The following TP63 variants were observed in gnomAD, a reference collection of about 807,000 sequenced individuals.
The protein encoded by TP63 is tumor protein 63.
Under a neutral mutation model 82.8 loss-of-function variants are expected in TP63, and 17 were observed. That is an observed-to-expected ratio of 0.21 (90% CI 0.14 to 0.31). The LOEUF is 0.31. Among genes scored for constraint, TP63 ranks in the 10% least tolerant of loss-of-function variants. The pLI is 1.00. For missense variants in TP63, 648 were observed against 895.3 expected, an observed-to-expected ratio of 0.72 and a Z score of 3.52; for synonymous variants, 330 against 321.7, an observed-to-expected ratio of 1.03 and a Z score of -0.28.
At chr3:189,658,219 T>C (rs1371511331) in intron 1 of TP63, among the ~76,000 whole-genome samples, 2 of 152,062 alleles carry the variant, frequency 1.3e-5, no homozygotes, top group African/African-American at 4.8e-5. Context: ...AGTATTGGGT[T>C]GTAATACAAA....
Position 189,837,076 on chromosome 3 carries a change from C to T in TP63, c.580-27156C>T, listed in dbSNP as rs536408686. On this transcript the variant is annotated intron_variant, in intron 4 of 13. Transcript: ENST00000264731. The stretch of plus-strand genomic sequence containing the variant: ...GCCTCTGTGAGTACCGTGTTCTTCA[C>T]GGTGTACGATGCTTCCAAATATATA... Among the ~76,000 whole-genome samples, 16 of 152,248 alleles carry T rather than the reference C, an allele frequency of 1.1e-4. No homozygotes were observed. The South Asian group carries it at 2.7e-3, about 26-fold the overall frequency.
At position 189,720,459 on chromosome 3, in the gene TP63, TC is replaced by T. The variant is rs375518820; in HGVS notation, c.63-17280del. Among the ~76,000 whole-genome samples the T allele has an allele frequency of 4.1e-4, 62 of 152,206 alleles. No homozygotes were observed. The South Asian group carries it at 0.012, about 30-fold the overall frequency. Reference sequence around the variant, plus strand: ...CTCCAATAACTTTAGATAGTGCATCTCTTCCATTAAAGAAGACTGAATCCCA... The same window carrying T: ...CTCCAATAACTTTAGATAGTGCATCTTTCCATTAAAGAAGACTGAATCCCA... On this transcript the variant is annotated intron_variant, in intron 1 of 13. Coordinates refer to ENST00000264731, the MANE Select transcript of TP63 (RefSeq NM_003722.5).
At chr3:189,885,666 A>G (rs1026235492) in intron 10 of TP63, among the ~76,000 whole-genome samples, 4 of 152,180 alleles carry the variant, frequency 2.6e-5, no homozygotes, top group South Asian at 4.1e-4. Context: ...CAAATTGAAG[A>G]TCATGCTGAA....
chr3:189,796,593 C>T (rs1045930887), intron 3 of TP63, among the ~76,000 whole-genome samples: 1 of 151,918 alleles, frequency 6.6e-6, no homozygotes, highest in African/African-American at 2.4e-5. Context: ...ATTTTGAAAG[C>T]ATCAAATGTT....
At chr3:189,642,718 CAGAG>C (rs1418350372) in intron 1 of TP63, among the ~76,000 whole-genome samples, 1 of 152,068 alleles carries the variant, frequency 6.6e-6, no homozygotes, top group East Asian at 1.9e-4. Context: ...GAAATCGAAG[CAGAG>C]AGAGGCTGTG....
chr3:189,682,724 A>C (rs1385446743), intron 1 of TP63, among the ~76,000 whole-genome samples: 1 of 151,926 alleles, frequency 6.6e-6, no homozygotes, highest in African/African-American at 2.4e-5. Context: ...ATTTCTACTC[A>C]AAAGTAATAC....
chr3:189,890,199 G>C (rs1442166925), intron 12 of TP63, among the ~76,000 whole-genome samples: 2 of 152,126 alleles, frequency 1.3e-5, no homozygotes, highest in Non-Finnish European at 2.9e-5. Context: ...CAATCACAGG[G>C]ATGGCAAAGT....
At chr3:189,864,875 C>G (rs6444405) in intron 5 of TP63, among the ~76,000 whole-genome samples, 1 of 151,766 alleles carries the variant, frequency 6.6e-6, no homozygotes, top group Admixed American at 6.6e-5. Context: ...GGCATGGTGG[C>G]GGGCACCTGT....
intron 4 of TP63, among the ~76,000 whole-genome samples, chr3:189,819,747 C>CTTTTTTTTTTTTTTTTT (rs367763002): frequency 2.2e-5 from 2 of 89,858 alleles, no homozygotes; most frequent in African/African-American, 4.1e-5. Flanking sequence ...TATATTTTAC[C>CTTTTTTTTTTTTTTTTT]TTTTTTTTTT....
chr3:189,872,147 A>T (rs556008224), intron 9 of TP63, among the ~76,000 whole-genome samples: 77 of 152,284 alleles, frequency 5.1e-4, no homozygotes, highest in African/African-American at 1.7e-3. Context: ...TATTTTTTGT[A>T]GTAGTTTAGT....
intron 3 of TP63, among the ~76,000 whole-genome samples, chr3:189,781,219 C>A (rs1488016140): frequency 1.3e-5 from 2 of 152,116 alleles, no homozygotes; most frequent in African/African-American, 2.4e-5. Flanking sequence ...TTTACATATA[C>A]CATTTCTGTA....
At chr3:189,788,924 A>G (rs1236740491) in intron 3 of TP63, among the ~76,000 whole-genome samples, 1 of 147,200 alleles carries the variant, frequency 6.8e-6, no homozygotes, top group African/African-American at 2.5e-5. Flanking sequence ...ATTCAAATAG[A>G]TAAGCGTTTT....
intron 1 of TP63, among the ~76,000 whole-genome samples, chr3:189,698,232 G>T (rs1452528691): frequency 6.6e-6 from 1 of 151,918 alleles, no homozygotes; most frequent in African/African-American, 2.4e-5. Context: ...AGACTTTTTG[G>T]TCATAAATGG....
intron 1 of TP63, among the ~76,000 whole-genome samples, chr3:189,695,939 C>G (rs924882518): frequency 6.6e-6 from 1 of 152,142 alleles, no homozygotes; most frequent in African/African-American, 2.4e-5. Context: ...AAGTTAGTGT[C>G]TCCTCCCTTC....
At chr3:189,751,577 T>A (rs1472691231) in intron 3 of TP63, among the ~76,000 whole-genome samples, 2 of 152,236 alleles carry the variant, frequency 1.3e-5, no homozygotes, top group African/African-American at 4.8e-5. Context: ...CCAGTGATGG[T>A]GAGCATTTTT....
At chr3:189,673,752 G>A (rs1487721450) in intron 1 of TP63, among the ~76,000 whole-genome samples, 1 of 151,994 alleles carries the variant, frequency 6.6e-6, no homozygotes, top group Non-Finnish European at 1.5e-5. Flanking sequence ...TCAATTATTT[G>A]CAGCTGTTTC....
At chr3:189,851,686 G>A (rs1715652627) in intron 4 of TP63, among the ~76,000 whole-genome samples, 1 of 152,168 alleles carries the variant, frequency 6.6e-6, no homozygotes, top group Admixed American at 6.5e-5. Flanking sequence ...CCCCCTGCTA[G>A]CTTGGTGCCT....
intron 4 of TP63, among the ~76,000 whole-genome samples, chr3:189,853,266 A>C (rs1276807845): frequency 6.6e-6 from 1 of 152,178 alleles, no homozygotes; most frequent in Non-Finnish European, 1.5e-5. Context: ...ATCAGACCAC[A>C]TCAGTTGCTC....
intron 2 of TP63, 48 bp downstream of exon 2, chr3:189,737,916 AATGTGGGTGGTCAAAAT>A: frequency 1.9e-6 from 3 of 1,611,590 alleles, no homozygotes; most frequent in Non-Finnish European, 2.5e-6. Flanking sequence ...TAAATAGGTA[AATGTGGGTGGTCAAAAT>A]ATTGCTTACT....
Sources: gnomAD v4.1 joint callset for allele counts (sites outside exome capture counted in the v4.1 genomes callset) on GRCh38, gnomAD v4.1.1 for gene constraint, MANE v1.5 for transcripts, NCBI Gene and HGNC (gene_info 2026-07-23, HGNC 2026-07-21) for gene names.